The following CLTC variants were observed in gnomAD, a reference collection of about 807,000 sequenced individuals.
CLTC encodes clathrin heavy chain 1.
CLTC carries 16 observed loss-of-function variants against 195.8 expected under a neutral mutation model. That is an observed-to-expected ratio of 0.08 (90% CI 0.06 to 0.12). CLTC has a LOEUF of 0.12. Among genes scored for constraint, CLTC ranks in the 10% least tolerant of loss-of-function variants. The pLI, the probability that CLTC is intolerant of heterozygous loss-of-function variation, is 1.00. For synonymous variants in CLTC, 667 were observed against 689.4 expected, an observed-to-expected ratio of 0.97 and a Z score of 0.51; for missense variants, 796 against 2,027.0, an observed-to-expected ratio of 0.39 and a Z score of 11.66.
chr17:59,623,020 A>G (rs1489327543), intron 1 of CLTC, among the ~76,000 whole-genome samples: 1 of 152,224 alleles, frequency 6.6e-6, no homozygotes, highest in Non-Finnish European at 1.5e-5. Flanking sequence ...AGATTCTATA[A>G]AAATCCTAGG....
intron 1 of CLTC, among the ~76,000 whole-genome samples, chr17:59,634,952 A>C (rs1184156902): frequency 1.3e-5 from 2 of 152,240 alleles, no homozygotes; most frequent in Non-Finnish European, 2.9e-5. Context: ...GAGGATGTTT[A>C]GGAGCTTTTA....
At chr17:59,644,642 C>G (rs1415842697) in intron 2 of CLTC, 159 bp downstream of exon 2, 9 of 627,996 alleles carry the variant, frequency 1.4e-5, no homozygotes, top group African/African-American at 1.3e-4. Context: ...TCTCCACCCC[C>G]CAGGTTCAAG....
At chr17:59,660,895 GTTACTGAT>G (rs1567953967) in intron 7 of CLTC, among the ~76,000 whole-genome samples, 1 of 152,160 alleles carries the variant, frequency 6.6e-6, no homozygotes, top group Non-Finnish European at 1.5e-5. Context: ...ATAAATGATA[GTTACTGAT>G]TTTATTTCCA....
At position 59,683,799 on chromosome 17, in the gene CLTC, A is replaced by C. The variant is rs2033123289; in HGVS notation, c.4323+43A>C. On this transcript the variant is annotated intron_variant, in intron 27 of 31. Transcript: ENST00000269122. This position sits in a 1 kb window ranked among gnomAD's most constrained non-coding sequence, Gnocchi z 6.1. The stretch of plus-strand genomic sequence containing the variant: ...AACCAAAGCTTCATAGCAAGGAATT[A>C]GGACATACTTCGATAACTTTTGTCC... 1 of 1,613,452 alleles carries C rather than the reference A, an allele frequency of 6.2e-7. No homozygotes were observed. The highest frequency in any genetic ancestry group is 1.1e-5 in the South Asian group (1 of 91,066).
At chr17:59,651,458 A>G (rs146084402) in intron 5 of CLTC, 142 bp downstream of exon 5, 14,748 of 646,200 alleles carry the variant, frequency 0.023, 263 homozygotes, top group South Asian at 0.036. Context: ...TTTGTAAAAT[A>G]ATACCTTGGC....
At chr17:59,680,857 G>A (rs542868319) in intron 18 of CLTC, 55 bp from the exon 19 acceptor site, 32 of 1,443,982 alleles carry the variant, frequency 2.2e-5, no homozygotes, top group African/African-American at 1.4e-4. Context: ...GCCAACTTAC[G>A]CTTTTTTAAA....
At chr17:59,620,250 A>G in intron 1 of CLTC, 77 bp downstream of exon 1, 2 of 1,510,664 alleles carry the variant, frequency 1.3e-6, no homozygotes, top group South Asian at 1.1e-5. Context: ...TCTGGGCCCG[A>G]GCAGTATCGG....
intron 1 of CLTC, among the ~76,000 whole-genome samples, chr17:59,624,556 C>T (rs995293093): frequency 2.0e-5 from 3 of 149,828 alleles, no homozygotes; most frequent in African/African-American, 2.5e-5. Flanking sequence ...GCAACCTCCA[C>T]CTGCCAGGTT....
chr17:59,682,458 C>G lies in CLTC; in HGVS notation c.3600+30C>G. On this transcript the variant is annotated intron_variant, in intron 22 of 31. Coordinates refer to ENST00000269122, the MANE Select transcript of CLTC (RefSeq NM_004859.4). This position sits in a 1 kb window ranked among gnomAD's most constrained non-coding sequence, Gnocchi z 6.8. The stretch of plus-strand genomic sequence containing the variant: ...GTTTCCTTTTCAGATTTAAGAAAAA[C>G]TAGTTGGGCTACTTGATTAGCTTGG... The G allele has an allele frequency of 6.2e-7, 1 of 1,612,326 alleles. No homozygotes were observed. The highest frequency in any genetic ancestry group is 8.5e-7 in the Non-Finnish European group (1 of 1,178,852).
chr17:59,656,088 C>A, intron 6 of CLTC, 61 bp downstream of exon 6: 1 of 1,408,368 alleles, frequency 7.1e-7, no homozygotes, highest in South Asian at 1.4e-5. Flanking sequence ...GGGAACAATC[C>A]TGTCCTTTTG....
intron 2 of CLTC, among the ~76,000 whole-genome samples, chr17:59,646,629 G>A (rs1283392353): frequency 6.6e-6 from 1 of 152,126 alleles, no homozygotes; most frequent in Non-Finnish European, 1.5e-5. Flanking sequence ...TTGAACTGAT[G>A]GATTTCAAAC....
chr17:59,659,661 G>A (rs1372275618), intron 6 of CLTC, among the ~76,000 whole-genome samples: 1 of 151,624 alleles, frequency 6.6e-6, no homozygotes, highest in African/African-American at 2.4e-5. Context: ...TGTTGGTCAG[G>A]CTGGTCTTGA....
Position 59,666,382 on chromosome 17 carries a change from T to G in CLTC, c.1783-98T>G. ...AGCTATTATAATATTCTTTTGTACTTTAACAGTTCACTATTAAACCTTAAT... is the reference window on the plus strand; with the variant it reads ...AGCTATTATAATATTCTTTTGTACTGTAACAGTTCACTATTAAACCTTAAT... On this transcript the variant is annotated intron_variant, in intron 11 of 31. Transcript: ENST00000269122. The surrounding 1 kb of genome is among the most constrained non-coding windows in gnomAD (Gnocchi z 4.9). 6.7e-7 allele frequency: 1 copy of G among 1,503,720 alleles called. No individual in the cohort carries two copies. The highest frequency in any genetic ancestry group is 1.3e-5 in the South Asian group (1 of 79,742). The allele number at this position is 1,503,720 out of a possible 1,614,324, so 93.1% of individuals were successfully genotyped here.
Position 59,682,236 on chromosome 17 carries a change from G to T in CLTC, c.3443-35G>T, listed in dbSNP as rs989896039. The stretch of plus-strand genomic sequence containing the variant: ...GGGTGAAAGATAAACTAGGATGTTA[G>T]TGTTTGGATATATTTTTTCTTTTTC... On this transcript the variant is annotated intron_variant, in intron 21 of 31. Coordinates refer to ENST00000269122, the MANE Select transcript of CLTC (RefSeq NM_004859.4). This position sits in a 1 kb window ranked among gnomAD's most constrained non-coding sequence, Gnocchi z 6.8. The T allele has an allele frequency of 1.3e-6, 2 of 1,581,940 alleles. No individual in the cohort carries two copies. The highest frequency in any genetic ancestry group is 1.7e-6 in the Non-Finnish European group (2 of 1,160,070).
chr17:59,647,285 A>G (rs2032221141), intron 2 of CLTC, 113 bp from the exon 3 acceptor site: 10 of 772,888 alleles, frequency 1.3e-5, no homozygotes, highest in Non-Finnish European at 1.9e-5. Context: ...TATCGATGCA[A>G]CTCGTCTCGT....
Position 59,695,779 on chromosome 17 carries a change from C to CCAT in CLTC, c.*1930_*1932dup, listed in dbSNP as rs986286845. ...CCCCTGCTTTGATTTGTGGGAGGTG[C>CCAT]CATCAGTTTTCCCCACCACTGCTTT... On this transcript the variant is annotated 3_prime_UTR_variant, in exon 32 of 32. Transcript: ENST00000269122. The CCAT allele has an allele frequency of 4.2e-4, 82 of 193,280 alleles. No homozygotes were observed. The highest frequency in any genetic ancestry group is 1.7e-3 in the African/African-American group (73 of 43,136). The allele number at this position is 193,280 out of a possible 1,614,324, so 12.0% of individuals were successfully genotyped here.
chr17:59,695,133 C>T lies in CLTC; in HGVS notation c.*1281C>T. ...ATGTAGTTAACATGCTCTTTCTCAT[C>T]ATGAATTATAAAGGTGCCCAAATTA... is the stretch of plus-strand genomic sequence containing the variant. On this transcript the variant is annotated 3_prime_UTR_variant, in exon 32 of 32. Coordinates refer to ENST00000269122, the MANE Select transcript of CLTC (RefSeq NM_004859.4). The T allele has an allele frequency of 4.9e-6, 1 of 202,282 alleles. No individual in the cohort carries two copies. The highest frequency in any genetic ancestry group is 7.7e-5 in the East Asian group (1 of 12,972). The allele number at this position is 202,282 out of a possible 1,614,324, so 12.5% of individuals were successfully genotyped here. A position where few individuals can be genotyped will look rare whatever the true frequency, so the allele number is the denominator to read the frequency against.
intron 6 of CLTC, 76 bp downstream of exon 6, chr17:59,656,103 AT>A (rs2032458945): frequency 7.8e-7 from 1 of 1,279,736 alleles, no homozygotes; most frequent in African/African-American, 1.6e-5. Context: ...CTTTTGAGAA[AT>A]TACTCCCCAA....
chr17:59,641,439 A>G (rs2032029420), intron 1 of CLTC, among the ~76,000 whole-genome samples: 1 of 151,508 alleles, frequency 6.6e-6, no homozygotes, highest in African/African-American at 2.4e-5. Context: ...CATTTCTACT[A>G]AAATACAAAA....
Sources: allele counts gnomAD v4.1 joint callset (sites outside exome capture counted in the v4.1 genomes callset), GRCh38; gene constraint gnomAD v4.1.1; non-coding constraint Gnocchi (gnomAD v3.1); transcripts MANE v1.5; gene names NCBI Gene and HGNC (gene_info 2026-07-23, HGNC 2026-07-21).